The following ATF6 variants were observed in gnomAD, a reference collection of about 807,000 sequenced individuals.
The protein encoded by ATF6 is cyclic AMP-dependent transcription factor ATF-6 alpha.
ATF6 carries 53 observed loss-of-function variants against 83.6 expected under a neutral mutation model. That is an observed-to-expected ratio of 0.63 (90% confidence interval 0.51 to 0.80). ATF6 has a LOEUF of 0.80. Ranked by LOEUF, ATF6 falls within the 30% of genes least tolerant of loss-of-function variation. The probability of loss-of-function intolerance (pLI) is 0.00; values close to 1 mark genes in which losing one functional copy is unlikely to be tolerated. For missense variants in ATF6, 744 were observed against 797.9 expected (o/e 0.93, Z 0.81); for synonymous variants, 288 against 285.8 (o/e 1.01, Z -0.08).
At chr1:161,845,845 A>G (rs1447075278) in intron 9 of ATF6, among the ~76,000 whole-genome samples, 1 of 151,956 alleles carries the variant, frequency 6.6e-6, no homozygotes, top group East Asian at 1.9e-4. Flanking sequence ...TGTTTTCTCC[A>G]AATGCTTATG....
At chr1:161,798,637 G>A (rs1292005776) in intron 6 of ATF6, among the ~76,000 whole-genome samples, 1 of 152,016 alleles carries the variant, frequency 6.6e-6, no homozygotes, top group African/African-American at 2.4e-5. Flanking sequence ...AAGAGCTTCT[G>A]CACAGCAAAA....
At chr1:161,879,658 G>C (rs1687285265) in intron 14 of ATF6, among the ~76,000 whole-genome samples, 2 of 152,038 alleles carry the variant, frequency 1.3e-5, no homozygotes. Flanking sequence ...AATAGCTGCT[G>C]GGGATGAAAA....
At chr1:161,912,557 A>C (rs1688012314) in intron 15 of ATF6, among the ~76,000 whole-genome samples, 177 bp downstream of exon 15, 1 of 152,240 alleles carries the variant, frequency 6.6e-6, no homozygotes, top group African/African-American at 2.4e-5. Flanking sequence ...TTTTAAAAAA[A>C]ATTACTACAT....
chr1:161,903,374 C>G (rs1269085855), intron 14 of ATF6, among the ~76,000 whole-genome samples: 1 of 152,046 alleles, frequency 6.6e-6, no homozygotes, highest in African/African-American at 2.4e-5. Flanking sequence ...TGGAGAGAGA[C>G]CAAATCAGTA....
chr1:161,901,440 AC>A (rs533999379), intron 14 of ATF6, among the ~76,000 whole-genome samples: 227 of 151,828 alleles, frequency 1.5e-3, no homozygotes, highest in African/African-American at 5.4e-3. Context: ...GAAAAAAAAA[AC>A]AATTAAAATT....
chr1:161,853,087 C>A, intron 11 of ATF6, 137 bp from the exon 12 acceptor site: 1 of 597,766 alleles, frequency 1.7e-6, no homozygotes. Context: ...AATCAAAAAG[C>A]AATATTGAGT....
intron 13 of ATF6, 47 bp downstream of exon 13, chr1:161,860,324 T>C: frequency 1.4e-6 from 2 of 1,401,808 alleles, no homozygotes; most frequent in Middle Eastern, 1.9e-4. Context: ...AAATAGCTGG[T>C]ATTTTAAGAA....
intron 9 of ATF6, among the ~76,000 whole-genome samples, chr1:161,827,724 GAAATAT>G (rs1290660712): frequency 6.6e-6 from 1 of 152,054 alleles, no homozygotes; most frequent in Non-Finnish European, 1.5e-5. Flanking sequence ...ATTTGGTGAT[GAAATAT>G]AAATATATCT....
chr1:161,920,917 T>A (rs1688201076), intron 15 of ATF6, among the ~76,000 whole-genome samples: 1 of 152,030 alleles, frequency 6.6e-6, no homozygotes, highest in South Asian at 2.1e-4. Context: ...AGAAAGATAA[T>A]ATTTTAACTA....
intron 10 of ATF6, among the ~76,000 whole-genome samples, chr1:161,848,822 T>G (rs2101821977): frequency 6.6e-6 from 1 of 152,320 alleles, no homozygotes; most frequent in Non-Finnish European, 1.5e-5. Context: ...ACTCGAACTC[T>G]GACTGTTCCT....
At chr1:161,857,108 C>G (rs1000767348) in intron 12 of ATF6, among the ~76,000 whole-genome samples, 10 of 152,074 alleles carry the variant, frequency 6.6e-5, no homozygotes, top group African/African-American at 2.4e-4. Context: ...GTTGTCAATG[C>G]CAAAGCATAT....
chr1:161,931,834 T>C (rs1367181351), intron 15 of ATF6, among the ~76,000 whole-genome samples: 1 of 152,230 alleles, frequency 6.6e-6, no homozygotes, highest in Non-Finnish European at 1.5e-5. Flanking sequence ...GTCTTTTCAC[T>C]TTCTTGAGCA....
At position 161,960,686 on chromosome 1, in the gene ATF6, C is replaced by T. The variant is rs2499854; in HGVS notation, c.*2032C>T. 0.61 allele frequency: 92,741 copies of T among 152,148 alleles called. 29,531 individuals are homozygous for T. Among genetic ancestry groups the T allele is most frequent in the Non-Finnish European group, 0.7 (47,780 of 68,022 alleles). 9.4% of individuals were successfully genotyped at this position (152,148 alleles called of 1,614,324 possible). On this transcript the variant is annotated 3_prime_UTR_variant, in exon 16 of 16. Coordinates refer to ENST00000367942, the MANE Select transcript of ATF6 (RefSeq NM_007348.4). ...CCTTTTTAAGCAGCGCAGCACTCCC[C>T]TTAGATTTGGCTATCCTGGGTGATT...
At chr1:161,779,700 AAG>A (rs1684591205) in intron 2 of ATF6, among the ~76,000 whole-genome samples, 1 of 152,148 alleles carries the variant, frequency 6.6e-6, no homozygotes, top group African/African-American at 2.4e-5. Flanking sequence ...TACTTAGATT[AAG>A]AAAGTTTAAG....
intron 15 of ATF6, among the ~76,000 whole-genome samples, chr1:161,945,973 A>G (rs1315147912): frequency 6.6e-6 from 1 of 152,078 alleles, no homozygotes; most frequent in African/African-American, 2.4e-5. Flanking sequence ...TGAGTACCTG[A>G]CTTCAGACCT....
intron 12 of ATF6, among the ~76,000 whole-genome samples, chr1:161,858,773 A>G (rs1686818070): frequency 6.6e-6 from 1 of 152,192 alleles, no homozygotes; most frequent in South Asian, 2.1e-4. Flanking sequence ...GCTCATGACT[A>G]GTTTTTCAGA....
intron 6 of ATF6, 66 bp from the exon 7 acceptor site, chr1:161,801,983 AATT>A (rs1685160176): frequency 6.8e-7 from 1 of 1,479,608 alleles, no homozygotes; most frequent in Non-Finnish European, 9.4e-7. Flanking sequence ...GAAAAGACCT[AATT>A]ATAAGCTGCT....
At chr1:161,897,294 C>T (rs555652569) in intron 14 of ATF6, among the ~76,000 whole-genome samples, 322 of 151,568 alleles carry the variant, frequency 2.1e-3, no homozygotes, top group African/African-American at 7.5e-3. Flanking sequence ...GTTAGCCGGG[C>T]ATGGTGGCAT....
intron 9 of ATF6, among the ~76,000 whole-genome samples, chr1:161,824,186 C>T (rs1685830776): frequency 1.3e-5 from 2 of 152,050 alleles, no homozygotes; most frequent in African/African-American, 4.8e-5. Flanking sequence ...TAGCCTGTCA[C>T]ATTGGCCTGT....
Sources: gnomAD v4.1 joint callset for allele counts (sites outside exome capture counted in the v4.1 genomes callset) on GRCh38, gnomAD v4.1.1 for gene constraint, MANE v1.5 for transcripts, NCBI Gene and HGNC (gene_info 2026-07-23, HGNC 2026-07-21) for gene names.